The following CYRIB variants were observed in gnomAD, a reference collection of about 807,000 sequenced individuals.
CYRIB encodes the protein CYFIP related Rac1 interactor B, also known as CYFIP-related Rac1 interactor B.
A neutral mutation model predicts 44.2 loss-of-function variants in CYRIB; 8 were observed. The observed-to-expected ratio is 0.18, with a 90% confidence interval of 0.11 to 0.33. The LOEUF is 0.33. CYRIB is among the 10% of genes least tolerant of loss of function. The probability of loss-of-function intolerance (pLI) is 1.00; values close to 1 mark genes in which losing one functional copy is unlikely to be tolerated. For missense variants in CYRIB, 185 were observed against 382.8 expected (o/e 0.48, Z 4.31); for synonymous variants, 131 against 127.2 (o/e 1.03, Z -0.20).
intron 6 of CYRIB, among the ~76,000 whole-genome samples, chr8:129,854,946 A>T (rs1205309458): frequency 6.6e-6 from 1 of 152,212 alleles, no homozygotes; most frequent in African/African-American, 2.4e-5. Context: ...CAAACACTAT[A>T]AACAATGACA....
intron 1 of CYRIB, among the ~76,000 whole-genome samples, chr8:129,982,271 T>C (rs996626587): frequency 2.0e-5 from 3 of 152,192 alleles, no homozygotes; most frequent in Admixed American, 6.5e-5. Flanking sequence ...CCCTGTCCAA[T>C]AGAACCTTCT....
At chr8:129,922,692 T>C (rs1416984739) in intron 1 of CYRIB, among the ~76,000 whole-genome samples, 4 of 150,484 alleles carry the variant, frequency 2.7e-5, no homozygotes, top group Non-Finnish European at 5.9e-5. Flanking sequence ...TGAACTCCTG[T>C]CTCAACTAAA....
intron 7 of CYRIB, 70 bp from the exon 10 acceptor site, chr8:129,852,348 C>T (rs936164093): frequency 1.2e-5 from 11 of 930,204 alleles, no homozygotes; most frequent in South Asian, 5.6e-5. Context: ...TATACAAGGA[C>T]CCAGGCAGGG....
chr8:130,001,633 A>T (rs545227554), intron 1 of CYRIB, among the ~76,000 whole-genome samples: 49 of 150,128 alleles, frequency 3.3e-4, no homozygotes, highest in Non-Finnish European at 5.9e-4. Context: ...GGTTCAAGCA[A>T]TTCTCCTGCC....
intron 1 of CYRIB, among the ~76,000 whole-genome samples, chr8:129,938,331 T>C (rs1247028112): frequency 2.6e-5 from 4 of 152,204 alleles, no homozygotes; most frequent in East Asian, 1.9e-4. Flanking sequence ...TAATTTGCGA[T>C]AGTAAGTCAC....
At chr8:129,927,316 A>T (rs1590053857) in intron 1 of CYRIB, among the ~76,000 whole-genome samples, 1 of 152,198 alleles carries the variant, frequency 6.6e-6, no homozygotes, top group Non-Finnish European at 1.5e-5. Flanking sequence ...TTTTAAAGTC[A>T]TCTTTTACCA....
chr8:129,869,460 TAAC>T (rs894657840), intron 4 of CYRIB, among the ~76,000 whole-genome samples: 11 of 151,042 alleles, frequency 7.3e-5, no homozygotes, highest in African/African-American at 2.7e-4. Flanking sequence ...TTTCTCTTCA[TAAC>T]AACAAGCTTT....
chr8:129,984,974 A>G (rs2096397439), intron 1 of CYRIB, among the ~76,000 whole-genome samples: 1 of 152,120 alleles, frequency 6.6e-6, no homozygotes, highest in Non-Finnish European at 1.5e-5. Flanking sequence ...GGATTTCTCC[A>G]TGTTGAGGCT....
At chr8:129,933,954 C>T (rs2092301007) in intron 1 of CYRIB, among the ~76,000 whole-genome samples, 2 of 151,856 alleles carry the variant, frequency 1.3e-5, no homozygotes, top group Admixed American at 6.6e-5. Context: ...ACTTAAAAGA[C>T]TCACTTAAGA....
At position 129,920,936 on chromosome 8, in the gene CYRIB, C is replaced by T. The variant is rs184393871; in HGVS notation, c.-49-17586G>A. On this transcript the variant is annotated intron_variant, in intron 1 of 11. Transcript: ENST00000519824. ...TTAGTCATTTGGGAAGTAGACCTTG[C>T]TTCCTTGAATTAACAGAAAAAATAT... Among the ~76,000 whole-genome samples, 554 of 152,200 alleles carry T rather than the reference C, an allele frequency of 3.6e-3. 3 individuals carry two copies. The highest frequency in any genetic ancestry group is 0.013 in the African/African-American group (537 of 41,520).
chr8:129,843,056 A>T (rs1309438457), intron 11 of CYRIB, among the ~76,000 whole-genome samples: 7 of 152,230 alleles, frequency 4.6e-5, no homozygotes, highest in Non-Finnish European at 8.8e-5. Flanking sequence ...AAACAGTAAA[A>T]ATCCACTAAG....
intron 1 of CYRIB, among the ~76,000 whole-genome samples, chr8:129,924,314 G>GGGGAGGGGA (rs1554645242): frequency 2.9e-5 from 1 of 34,902 alleles, no homozygotes; most frequent in Non-Finnish European, 5.1e-5. Flanking sequence ...GGTGGCGGGG[G>GGGGAGGGGA]GGGTGTTACT....
At chr8:129,872,068 T>C (rs75204145) in intron 3 of CYRIB, among the ~76,000 whole-genome samples, 2,664 of 152,192 alleles carry the variant, frequency 0.018, 91 homozygotes, top group African/African-American at 0.06. Context: ...TATATGATAT[T>C]ATAGGTTAAA....
intron 1 of CYRIB, among the ~76,000 whole-genome samples, chr8:129,928,933 T>C (rs1218985909): frequency 6.6e-6 from 1 of 152,186 alleles, no homozygotes; most frequent in Non-Finnish European, 1.5e-5. Flanking sequence ...AATAATTCTA[T>C]TCCTAGGCAT....
chr8:129,959,940 T>C (rs2095139456), intron 2 of CYRIB, among the ~76,000 whole-genome samples: 1 of 152,154 alleles, frequency 6.6e-6, no homozygotes, highest in Non-Finnish European at 1.5e-5. Context: ...GAAGTCAATC[T>C]GAGAAGAGCC....
chr8:129,913,756 C>T (rs1268406866), intron 1 of CYRIB, among the ~76,000 whole-genome samples: 1 of 152,046 alleles, frequency 6.6e-6, no homozygotes, highest in Non-Finnish European at 1.5e-5. Context: ...ATATTAATAC[C>T]TACCACCTAA....
chr8:129,914,298 C>T (rs961183207), intron 1 of CYRIB, among the ~76,000 whole-genome samples: 3 of 152,124 alleles, frequency 2.0e-5, no homozygotes, highest in East Asian at 1.9e-4. Context: ...ATGGTGACAC[C>T]GCTGCCAACA....
rs571533146 is a variant in CYRIB at position 129,938,244 on chromosome 8, CTTCTGT to C, written c.-50+1358_-50+1363del. ...TTATCAAGCAGTTCTAGACACAAAG[CTTCTGT>C]TTCTATTACTAAATACAATTAAAGA... On this transcript the variant is annotated intron_variant, in intron 1 of 11. Transcript: ENST00000519824. Among the ~76,000 whole-genome samples the C allele has an allele frequency of 4.6e-3, 698 of 152,244 alleles. 5 individuals are homozygous for C. Among genetic ancestry groups the C allele is most frequent in the African/African-American group, 0.016 (651 of 41,550 alleles).
chr8:129,888,999 A>G (rs1294793348), intron 2 of CYRIB, among the ~76,000 whole-genome samples: 1 of 152,164 alleles, frequency 6.6e-6, no homozygotes, highest in Non-Finnish European at 1.5e-5. Flanking sequence ...AGGCTGAGGC[A>G]GGAGAACTGC....
Sources: allele counts gnomAD v4.1 joint callset (sites outside exome capture counted in the v4.1 genomes callset), GRCh38; gene constraint gnomAD v4.1.1; transcripts MANE v1.5; gene names NCBI Gene and HGNC (gene_info 2026-07-23, HGNC 2026-07-21).